The following DGKK variants were observed in gnomAD, a reference collection of about 807,000 sequenced individuals.
The protein encoded by DGKK is diacylglycerol kinase kappa, also known as 142 kDa diacylglycerol kinase.
DGKK carries 35 observed loss-of-function variants against 92.2 expected under a neutral mutation model. The observed-to-expected ratio is 0.38, with a 90% CI of 0.29 to 0.50. DGKK has a LOEUF of 0.50. DGKK is among the 20% of genes least tolerant of loss of function. The probability of loss-of-function intolerance (pLI) is 0.92; values close to 1 mark genes in which losing one functional copy is unlikely to be tolerated. For synonymous variants in DGKK, 368 were observed against 360.6 expected (o/e 1.02, Z -0.23); for missense variants, 910 against 992.2 (o/e 0.92, Z 1.11).
intron 1 of DGKK, among the ~76,000 whole-genome samples, chrX:50,466,396 T>A (rs559822368): frequency 1.5e-4 from 17 of 111,850 alleles, no homozygotes; most frequent in Middle Eastern, 9.1e-3. Flanking sequence ...CCCCTGAAGC[T>A]AACAATATCA....
intron 3 of DGKK, among the ~76,000 whole-genome samples, chrX:50,421,699 C>T (rs782365753): frequency 1.8e-5 from 2 of 111,740 alleles, no homozygotes; most frequent in African/African-American, 6.5e-5. Flanking sequence ...TTCTTAGACC[C>T]AGCCGCTCTC....
chrX:50,458,705 A>C (rs1243606359), intron 1 of DGKK, among the ~76,000 whole-genome samples: 2 of 110,746 alleles, frequency 1.8e-5, no homozygotes, highest in Non-Finnish European at 3.8e-5. Flanking sequence ...TGATATACAA[A>C]ATTTTGTCGG....
At chrX:50,392,283 C>T (rs1924718318) in intron 10 of DGKK, 58 bp downstream of exon 10, 19 of 910,107 alleles carry the variant, frequency 2.1e-5, no homozygotes, top group Non-Finnish European at 2.5e-5. Context: ...TTGGGATGGG[C>T]AGCTGCACAC....
chrX:50,422,369 C>T, intron 3 of DGKK, 77 bp downstream of exon 3: 2 of 825,411 alleles, frequency 2.4e-6, no homozygotes, highest in Non-Finnish European at 3.4e-6. Flanking sequence ...TTCAAAGAAG[C>T]AAGAAGTGGT....
At position 50,367,930 on chromosome X, in the gene DGKK, T is replaced by C. The variant is rs1557222635; in HGVS notation, c.*1010A>G. The stretch of plus-strand genomic sequence containing the variant: ...AAGATTTAGAAGCTCCACCAAGAAA[T>C]AGGGCAGTTGGTAGAGGTGTATGTG... On this transcript the variant is annotated 3_prime_UTR_variant, in exon 28 of 28. Transcript: ENST00000611977. 1 of 108,318 alleles carries C rather than the reference T, an allele frequency of 9.2e-6. No homozygotes were observed. Among genetic ancestry groups the C allele is most frequent in the African/African-American group, 3.4e-5 (1 of 29,621 alleles). The allele number at this position is 108,318 out of a possible 1,213,427, so 8.9% of individuals were successfully genotyped here.
Position 50,368,701 on chromosome X carries a change from CAA to C in DGKK, c.*237_*238del. ...AAATACTGTAGTTGCTCAAGATGCA[CAA>C]AGAGAAGGAGAACTGAACAAGACAA... On this transcript the variant is annotated 3_prime_UTR_variant, in exon 28 of 28. Transcript: ENST00000611977. 1 of 337,963 alleles carries C rather than the reference CAA, an allele frequency of 3.0e-6. No homozygotes were observed. The highest frequency in any genetic ancestry group is 5.3e-5 in the Admixed American group (1 of 18,884). The allele number at this position is 337,963 out of a possible 1,213,427, so 27.9% of individuals were successfully genotyped here. A position where few individuals can be genotyped will look rare whatever the true frequency, so the allele number is the denominator to read the frequency against.
chrX:50,463,785 C>T (rs1345398766), intron 1 of DGKK, among the ~76,000 whole-genome samples: 1 of 110,653 alleles, frequency 9.0e-6, no homozygotes, highest in East Asian at 2.8e-4. Flanking sequence ...TTCTTCCCTT[C>T]CCGCCCCCCA....
intron 8 of DGKK, among the ~76,000 whole-genome samples, chrX:50,397,639 T>G (rs1227565517): frequency 8.9e-6 from 1 of 112,396 alleles, no homozygotes; most frequent in Non-Finnish European, 1.9e-5. Flanking sequence ...TTCAGATGCT[T>G]CTGATACAAC....
chrX:50,470,599 G>C lies in DGKK; in HGVS notation c.80C>G (p.Pro27Arg), dbSNP rs1339639830. The C allele has an allele frequency of 1.1e-5, 13 of 1,186,806 alleles. No individual in the cohort carries two copies. Among genetic ancestry groups the C allele is most frequent in the Non-Finnish European group, 1.5e-5 (13 of 886,696 alleles). Residue 27 changes from proline to arginine, a missense_variant, in exon 1 of 28, where the codon CCG (proline) becomes CGG (arginine). Pro to Arg is a moderately radical substitution (Grantham distance 103). Transcript: ENST00000611977. ...TGGTGGCGGCGGCGGCCAAGGCGGC[G>C]GAGGCTCTGGAGACTCAGCGGGCTG... ...GEQPAESPEP[P>R]PPWPPPPPPP...
At chrX:50,387,746 C>G in intron 13 of DGKK, 93 bp from the exon 14 acceptor site, 1 of 571,845 alleles carries the variant, frequency 1.7e-6, no homozygotes, top group Non-Finnish European at 2.8e-6. Context: ...CTCCTCCTCT[C>G]TCTCTTTCCT....
chrX:50,470,812 G>T lies in DGKK; in HGVS notation c.-134C>A. The T allele has an allele frequency of 1.3e-6, 1 of 771,361 alleles. No homozygotes were observed. The highest frequency in any genetic ancestry group is 1.8e-6 in the Non-Finnish European group (1 of 557,814). The allele number at this position is 771,361 out of a possible 1,213,427, so 63.6% of individuals were successfully genotyped here. On this transcript the variant is annotated 5_prime_UTR_variant, in exon 1 of 28. Transcript: ENST00000611977. ...AAACTTTCCCCCATCCCACTCCATGGCTGGCTTGGCTCTGAGGTCTAACCC... is the reference window on the plus strand; with the variant it reads ...AAACTTTCCCCCATCCCACTCCATGTCTGGCTTGGCTCTGAGGTCTAACCC...
At chrX:50,415,296 T>G (rs1355179458) in intron 4 of DGKK, among the ~76,000 whole-genome samples, 2 of 112,040 alleles carry the variant, frequency 1.8e-5, no homozygotes, top group Admixed American at 9.4e-5. Context: ...TACATCCTGA[T>G]AAACCCAGTA....
chrX:50,430,594 G>A (rs922961618), intron 1 of DGKK, among the ~76,000 whole-genome samples: 37 of 111,424 alleles, frequency 3.3e-4, no homozygotes, highest in African/African-American at 1.2e-3. Context: ...CGTAATTCAG[G>A]TCCTGTGTAC....
intron 1 of DGKK, among the ~76,000 whole-genome samples, chrX:50,449,527 A>G (rs1926446353): frequency 9.0e-6 from 1 of 111,556 alleles, no homozygotes; most frequent in Admixed American, 9.5e-5. Context: ...GCCAGAGAAC[A>G]GAAACCCTAA....
chrX:50,403,927 A>C, intron 5 of DGKK, 122 bp downstream of exon 5: 1 of 870,192 alleles, frequency 1.1e-6, no homozygotes, highest in Non-Finnish European at 1.6e-6. Flanking sequence ...TTCCTCAATC[A>C]GGGTTAACCT....
intron 1 of DGKK, among the ~76,000 whole-genome samples, chrX:50,432,658 T>C (rs782621057): frequency 8.9e-6 from 1 of 112,739 alleles, no homozygotes; most frequent in Non-Finnish European, 1.9e-5. Flanking sequence ...AAACTCTGTA[T>C]ATACATGTCA....
Position 50,368,876 on chromosome X carries a change from T to C in DGKK, c.*64A>G, listed in dbSNP as rs1924037476. 1.0e-6 allele frequency: 1 copy of C among 955,333 alleles called. No individual in the cohort carries two copies. Among genetic ancestry groups the C allele is most frequent in the Non-Finnish European group, 1.5e-6 (1 of 673,471 alleles). The allele number at this position is 955,333 out of a possible 1,213,427, so 78.7% of individuals were successfully genotyped here. A position where few individuals can be genotyped will look rare whatever the true frequency, so the allele number is the denominator to read the frequency against. On this transcript the variant is annotated 3_prime_UTR_variant, in exon 28 of 28. Transcript: ENST00000611977. ...CTGAAATGATTTAGTCTAGCCTGTATTGAGGTTTTGAGAGTTTTTTTAGTA... is the reference window on the plus strand; with the variant it reads ...CTGAAATGATTTAGTCTAGCCTGTACTGAGGTTTTGAGAGTTTTTTTAGTA...
chrX:50,466,783 A>G (rs1926920640), intron 1 of DGKK, among the ~76,000 whole-genome samples: 1 of 111,906 alleles, frequency 8.9e-6, no homozygotes, highest in Non-Finnish European at 1.9e-5. Context: ...GATAGGAATC[A>G]CCAGATATCA....
In DGKK at chrX:50,379,938, C is replaced by A. The variant is rs1557224269; in HGVS notation, c.2754+43G>T. On this transcript the variant is annotated intron_variant, in intron 19 of 27. Coordinates refer to ENST00000611977, the MANE Select transcript of DGKK (RefSeq NM_001013742.4). ...CGGTATTCCCAAGGCCATGAGATTT[C>A]CTTTCTCCATACCCAGGAAAGACTA... is the stretch of plus-strand genomic sequence containing the variant. 3 of 1,144,691 alleles carry A rather than the reference C, an allele frequency of 2.6e-6. No individual in the cohort carries two copies. The African/African-American group carries it at 5.4e-5, about 20-fold the overall frequency. The allele number at this position is 1,144,691 out of a possible 1,213,427, so 94.3% of individuals were successfully genotyped here.
Sources: allele counts gnomAD v4.1 joint callset (sites outside exome capture counted in the v4.1 genomes callset), GRCh38; gene constraint gnomAD v4.1.1; transcripts MANE v1.5; gene names NCBI Gene and HGNC (gene_info 2026-07-23, HGNC 2026-07-21).